USP46: variants seen among roughly 807,000 people sequenced by gnomAD.
USP46 encodes ubiquitin carboxyl-terminal hydrolase 46.
In USP46, 12 loss-of-function variants were observed where a neutral mutation model predicts 44.4. The ratio of observed to expected loss-of-function variants is 0.27; its 90% CI spans 0.17 to 0.44. The LOEUF (loss-of-function observed/expected upper bound fraction) is 0.44, where lower values mean the gene tolerates loss of function less well. Ranked by LOEUF, USP46 falls within the 20% of genes least tolerant of loss-of-function variation. The probability of loss-of-function intolerance (pLI) is 1.00; values close to 1 mark genes in which losing one functional copy is unlikely to be tolerated. For synonymous variants in USP46, 155 were observed against 161.5 expected, an observed-to-expected ratio of 0.96 and a Z score of 0.31; for missense variants, 248 against 444.8, an observed-to-expected ratio of 0.56 and a Z score of 3.98.
intron 3 of USP46, 133 bp from the exon 4 acceptor site, chr4:52,626,380 TG>T: frequency 1.4e-6 from 1 of 731,988 alleles, no homozygotes; most frequent in South Asian, 2.0e-5. Context: ...TAGAGCGTAG[TG>T]GCATGATCTC....
intron 1 of USP46, among the ~76,000 whole-genome samples, chr4:52,634,658 C>T (rs1248546510): frequency 6.6e-6 from 1 of 152,036 alleles, no homozygotes; most frequent in African/African-American, 2.4e-5. Flanking sequence ...CTCCTGACCT[C>T]AAGTGATCCA....
intron 1 of USP46, among the ~76,000 whole-genome samples, chr4:52,641,141 C>T (rs1358186765): frequency 6.6e-6 from 1 of 151,964 alleles, no homozygotes; most frequent in Non-Finnish European, 1.5e-5. Flanking sequence ...TTGCTAGCAC[C>T]CTGCACAAGA....
intron 1 of USP46, among the ~76,000 whole-genome samples, chr4:52,639,456 C>T (rs1019010490): frequency 6.6e-6 from 1 of 152,020 alleles, no homozygotes; most frequent in African/African-American, 2.4e-5. Context: ...TCTTTGGAAC[C>T]AATATGGCTA....
Position 52,627,937 on chromosome 4 carries a change from G to C in USP46, c.331+13C>G. ...TTCAGAGGCTTAAATACATTATACT[G>C]CATACTACTCACCATTCTCTTTTCT... On this transcript the variant is annotated intron_variant, in intron 3 of 8. Coordinates refer to ENST00000441222, the MANE Select transcript of USP46 (RefSeq NM_022832.4). 1 of 1,607,246 alleles carries C rather than the reference G, an allele frequency of 6.2e-7. No individual in the cohort carries two copies. Among genetic ancestry groups the C allele is most frequent in the Non-Finnish European group, 8.5e-7 (1 of 1,176,394 alleles).
At chr4:52,608,258 G>A (rs998815339) in intron 5 of USP46, among the ~76,000 whole-genome samples, 7 of 152,202 alleles carry the variant, frequency 4.6e-5, no homozygotes, top group East Asian at 1.9e-4. Context: ...CACAGCTATC[G>A]TGTCCAAGTT....
intron 3 of USP46, among the ~76,000 whole-genome samples, chr4:52,626,538 T>G (rs1717593187): frequency 1.3e-5 from 2 of 152,138 alleles, no homozygotes; most frequent in South Asian, 4.1e-4. Flanking sequence ...TTGGCCAGGA[T>G]GGTCTCAATC....
At chr4:52,609,670 G>C (rs755897171) in intron 5 of USP46, among the ~76,000 whole-genome samples, 1 of 151,988 alleles carries the variant, frequency 6.6e-6, no homozygotes, top group Non-Finnish European at 1.5e-5. Context: ...GATTAGGTGT[G>C]ATGTAAAACA....
intron 2 of USP46, among the ~76,000 whole-genome samples, chr4:52,630,524 G>T (rs1191840598): frequency 6.6e-6 from 1 of 152,148 alleles, no homozygotes; most frequent in African/African-American, 2.4e-5. Flanking sequence ...GGAGGCCGAA[G>T]CAGGTGGATC....
chr4:52,632,980 GAAAGAA>G (rs1300983150), intron 1 of USP46, among the ~76,000 whole-genome samples: 1 of 71,434 alleles, frequency 1.4e-5, no homozygotes, highest in Non-Finnish European at 2.7e-5. Flanking sequence ...AAGAAAGAAA[GAAAGAA>G]AAGAAAAGAA....
At chr4:52,612,444 T>C (rs1457563017) in intron 4 of USP46, among the ~76,000 whole-genome samples, 1 of 152,264 alleles carries the variant, frequency 6.6e-6, no homozygotes. Context: ...GAGGTGATTA[T>C]GTTTTGCCAC....
intron 4 of USP46, among the ~76,000 whole-genome samples, chr4:52,613,721 CAA>C (rs59351260): frequency 1.6e-4 from 12 of 77,044 alleles, no homozygotes; most frequent in Admixed American, 3.1e-4. Flanking sequence ...GACTCCATCT[CAA>C]AAAAAAAAAA....
At chr4:52,616,992 T>C (rs1197195134) in intron 4 of USP46, among the ~76,000 whole-genome samples, 1 of 152,224 alleles carries the variant, frequency 6.6e-6, no homozygotes, top group Non-Finnish European at 1.5e-5. Flanking sequence ...AAGGGAAATT[T>C]ATAGCTTTAT....
At chr4:52,645,995 G>A (rs1229375947) in intron 1 of USP46, among the ~76,000 whole-genome samples, 1 of 152,114 alleles carries the variant, frequency 6.6e-6, no homozygotes, top group African/African-American at 2.4e-5. Context: ...GTTTCCTGAA[G>A]CCTCCCAGTC....
chr4:52,647,807 T>C (rs1718606110), intron 1 of USP46, among the ~76,000 whole-genome samples: 7 of 152,136 alleles, frequency 4.6e-5, no homozygotes, highest in Admixed American at 4.6e-4. Flanking sequence ...GCAGGAGTGG[T>C]TCTTATTTTA....
intron 4 of USP46, among the ~76,000 whole-genome samples, chr4:52,612,674 G>C (rs545249788): frequency 6.6e-6 from 1 of 152,244 alleles, no homozygotes; most frequent in Non-Finnish European, 1.5e-5. Context: ...GCCCAATCTA[G>C]AGTAAAACCC....
At chr4:52,652,638 T>C (rs2109668964) in intron 1 of USP46, among the ~76,000 whole-genome samples, 1 of 152,268 alleles carries the variant, frequency 6.6e-6, no homozygotes, top group African/African-American at 2.4e-5. Flanking sequence ...CTGAGAGGAA[T>C]GTTTAATATT....
At chr4:52,632,981 A>AAAGAAAGAAAGG (rs1717942993) in intron 1 of USP46, among the ~76,000 whole-genome samples, 1 of 63,394 alleles carries the variant, frequency 1.6e-5, no homozygotes, top group Non-Finnish European at 3.1e-5. Flanking sequence ...AGAAAGAAAG[A>AAAGAAAGAAAGG]AAGAAAAGAA....
At chr4:52,604,376 T>C in intron 6 of USP46, 125 bp downstream of exon 6, 1 of 735,562 alleles carries the variant, frequency 1.4e-6, no homozygotes, top group African/African-American at 1.8e-5. Flanking sequence ...GATAACTGAC[T>C]TCCCCAAGGC....
At chr4:52,650,718 C>T (rs1228822517) in intron 1 of USP46, among the ~76,000 whole-genome samples, 1 of 152,012 alleles carries the variant, frequency 6.6e-6, no homozygotes, top group Non-Finnish European at 1.5e-5. Context: ...TTAAAAGCTT[C>T]ACAGGTGATA....
Sources: allele counts gnomAD v4.1 joint callset (sites outside exome capture counted in the v4.1 genomes callset), GRCh38; gene constraint gnomAD v4.1.1; transcripts MANE v1.5; gene names NCBI Gene and HGNC (gene_info 2026-07-23, HGNC 2026-07-21).